The following PFKP variants were observed in gnomAD, a reference collection of about 807,000 sequenced individuals.
PFKP encodes ATP-dependent 6-phosphofructokinase, platelet type.
In PFKP, 101 loss-of-function variants were observed where a neutral mutation model predicts 94.3. The ratio of observed to expected loss-of-function variants is 1.07; its 90% CI spans 0.91 to 1.26. The LOEUF (loss-of-function observed/expected upper bound fraction) is 1.26, where lower values mean the gene tolerates loss of function less well. PFKP is among the 50% of genes most tolerant of loss of function. The probability of loss-of-function intolerance (pLI) is 0.00; values close to 1 mark genes in which losing one functional copy is unlikely to be tolerated. For synonymous variants in PFKP, 573 were observed against 432.6 expected (o/e 1.32, Z -4.03); for missense variants, 1,145 against 1,103.3 (o/e 1.04, Z -0.53).
chr10:3,116,955 T>TCCCTAAGGGAGGGGTGCAGGCAGTTA (rs1335405713), intron 14 of PFKP, 109 bp downstream of exon 14: 18 of 869,356 alleles, frequency 2.1e-5, no homozygotes, highest in Non-Finnish European at 3.6e-5. Flanking sequence ...TGGAAAGGCG[T>TCCCTAAGGGAGGGGTGCAGGCAGTTA]CCCTAAGGGA....
At chr10:3,125,617 G>A (rs899892331) in intron 16 of PFKP, among the ~76,000 whole-genome samples, 39 of 152,308 alleles carry the variant, frequency 2.6e-4, no homozygotes, top group African/African-American at 9.1e-4. Context: ...CGGTAAGTAC[G>A]AGCTCCAGGA....
chr10:3,103,750 A>T, intron 4 of PFKP, 29 bp from the exon 5 acceptor site: 1 of 1,612,088 alleles, frequency 6.2e-7, no homozygotes. Flanking sequence ...GGTTACGGCG[A>T]TGAGACGTGC....
chr10:3,133,531 A>G (rs1588581065), intron 19 of PFKP, among the ~76,000 whole-genome samples: 1 of 152,212 alleles, frequency 6.6e-6, no homozygotes, highest in Non-Finnish European at 1.5e-5. Flanking sequence ...TCCAGGTTCA[A>G]GTGATTCTCC....
chr10:3,088,855 C>T lies in PFKP; in HGVS notation c.186+6394C>T, dbSNP rs79646484. ...CCATACCTCTGATAATTGCAGTTCT[C>T]GTCTCTATGAGATCAACTCTGTTAG... On this transcript the variant is annotated intron_variant, in intron 2 of 21. Transcript: ENST00000381125. 6.2e-3 allele frequency among the ~76,000 whole-genome samples: 945 copies of T among 151,820 alleles called. 9 individuals carry two copies. Among genetic ancestry groups the T allele is most frequent in the African/African-American group, 0.021 (885 of 41,354 alleles).
intron 18 of PFKP, 65 bp from the exon 19 acceptor site, chr10:3,133,138 C>A (rs1838790616): frequency 8.4e-7 from 1 of 1,185,148 alleles, no homozygotes; most frequent in Non-Finnish European, 1.3e-6. Flanking sequence ...AGGGCCATCT[C>A]CCCAAGCAGG....
chr10:3,093,742 C>T (rs1015195257), intron 2 of PFKP, among the ~76,000 whole-genome samples: 3 of 146,844 alleles, frequency 2.0e-5, no homozygotes, highest in Admixed American at 7.1e-5. Context: ...CTCCCAGGTT[C>T]ACGCCATTCT....
chr10:3,068,333 G>A (rs1328611580), intron 1 of PFKP, among the ~76,000 whole-genome samples: 1 of 152,144 alleles, frequency 6.6e-6, no homozygotes, highest in African/African-American at 2.4e-5. Context: ...GTTCCCGCCT[G>A]GCGTCTCCAG....
At chr10:3,080,733 A>G (rs1833004763) in intron 1 of PFKP, among the ~76,000 whole-genome samples, 1 of 152,132 alleles carries the variant, frequency 6.6e-6, no homozygotes, top group Non-Finnish European at 1.5e-5. Context: ...TTCATAAATT[A>G]TTTGCATAAA....
intron 2 of PFKP, among the ~76,000 whole-genome samples, chr10:3,090,874 T>C (rs985636953): frequency 6.6e-6 from 1 of 152,162 alleles, no homozygotes; most frequent in African/African-American, 2.4e-5. Context: ...TCCAACAGAT[T>C]TTTTTCACCT....
At chr10:3,077,365 G>A (rs143336204) in intron 1 of PFKP, among the ~76,000 whole-genome samples, 7,814 of 140,382 alleles carry the variant, frequency 0.056, 261 homozygotes, top group South Asian at 0.1. Flanking sequence ...GGGTTCAAGC[G>A]ATTCTCCTGC....
chr10:3,114,428 G>A (rs1397048965), intron 13 of PFKP, among the ~76,000 whole-genome samples: 2 of 152,228 alleles, frequency 1.3e-5, no homozygotes, highest in African/African-American at 4.8e-5. Context: ...GGGATTACAG[G>A]CATGACCCAC....
rs987013180 is a variant in PFKP, at chr10:3,133,378, T to C, written c.2022+64T>C. On this transcript the variant is annotated intron_variant, in intron 19 of 21. Coordinates refer to ENST00000381125, the MANE Select transcript of PFKP (RefSeq NM_002627.5). ...TCATGTGACTTTTAAAAGATTAGTG[T>C]CTTATTTTAGCCATTGTGGGGAAAA... 27 of 1,054,670 alleles carry C rather than the reference T, an allele frequency of 2.6e-5. 1 individual carries two copies. In the South Asian group the frequency reaches 3.4e-4, roughly 13 times the overall value. The allele number at this position is 1,054,670 out of a possible 1,614,324, so 65.3% of individuals were successfully genotyped here.
intron 1 of PFKP, among the ~76,000 whole-genome samples, chr10:3,072,945 G>A (rs1832313362): frequency 1.3e-5 from 2 of 152,078 alleles, no homozygotes; most frequent in Middle Eastern, 3.4e-3. Flanking sequence ...TCCGTTTTGT[G>A]TTTCTTTTCC....
chr10:3,110,586 A>C (rs1836097947), intron 10 of PFKP, among the ~76,000 whole-genome samples: 1 of 152,132 alleles, frequency 6.6e-6, no homozygotes, highest in Non-Finnish European at 1.5e-5. Context: ...ACACACAAAG[A>C]AGTCGTGAAG....
At chr10:3,079,672 G>GGGGGGGGGA (rs1832890430) in intron 1 of PFKP, among the ~76,000 whole-genome samples, 1 of 111,474 alleles carries the variant, frequency 9.0e-6, no homozygotes, top group Non-Finnish European at 2.1e-5. Flanking sequence ...TGGGGGGGGG[G>GGGGGGGGGA]GGAAGAGGAG....
In PFKP at chr10:3,077,588, A is replaced by C. The variant is rs190988483; in HGVS notation, c.113-4800A>C. On this transcript the variant is annotated intron_variant, in intron 1 of 21. Coordinates refer to ENST00000381125, the MANE Select transcript of PFKP (RefSeq NM_002627.5). ...GCCTATTCCTTACTTTTTAAAAAAAAAATGCAATTTAGATTTTATCAGAGC... is the reference window on the plus strand; with the variant it reads ...GCCTATTCCTTACTTTTTAAAAAAACAATGCAATTTAGATTTTATCAGAGC... Among the ~76,000 whole-genome samples the C allele has an allele frequency of 3.6e-3, 549 of 152,108 alleles. 2 individuals are homozygous for C. The highest frequency in any genetic ancestry group is 0.012 in the African/African-American group (501 of 41,500).
rs71294492 is a variant in PFKP at position 3,100,862 on chromosome 10, C to CAAAAAAAAAAAA, written c.265-494_265-483dup. On this transcript the variant is annotated intron_variant, in intron 3 of 21. Transcript: ENST00000381125. Reference sequence around the variant, plus strand: ...TAAAAGGGGCAGCGAGTATGTGGTGCAAAAAAAAAAAAAAAAAAAATCCCC... The same window carrying CAAAAAAAAAAAA: ...TAAAAGGGGCAGCGAGTATGTGGTGCAAAAAAAAAAAAAAAAAAAAAAAAAAAAAAAATCCCC... The CAAAAAAAAAAAA allele has an allele frequency of 2.4e-3, 1,558 of 656,508 alleles. 17 individuals are homozygous for CAAAAAAAAAAAA. The highest frequency in any genetic ancestry group is 0.014 in the African/African-American group (589 of 40,932). 40.7% of individuals were successfully genotyped at this position (656,508 alleles called of 1,614,324 possible).
intron 17 of PFKP, among the ~76,000 whole-genome samples, chr10:3,130,440 G>A (rs1001042888): frequency 1.3e-5 from 2 of 152,152 alleles, no homozygotes; most frequent in African/African-American, 2.4e-5. Flanking sequence ...GAAGGGTGTC[G>A]CTGACCCCGC....
chr10:3,120,892 T>C (rs576867215), intron 16 of PFKP, among the ~76,000 whole-genome samples: 1 of 152,300 alleles, frequency 6.6e-6, no homozygotes, highest in Admixed American at 6.5e-5. Flanking sequence ...AGTTTGAAGA[T>C]CCGTACCTAA....
Sources: allele counts gnomAD v4.1 joint callset (sites outside exome capture counted in the v4.1 genomes callset), GRCh38; gene constraint gnomAD v4.1.1; transcripts MANE v1.5; gene names NCBI Gene and HGNC (gene_info 2026-07-23, HGNC 2026-07-21).